TIAM1: variants seen among roughly 807,000 people sequenced by gnomAD.
TIAM1 encodes the protein TIAM Rac1 associated GEF 1, also known as rho guanine nucleotide exchange factor TIAM1.
Under a neutral mutation model 163.5 loss-of-function variants are expected in TIAM1, and 65 were observed. That is an observed-to-expected ratio of 0.40 (90% CI 0.33 to 0.49). TIAM1 has a LOEUF of 0.49. Ranked by LOEUF, TIAM1 falls within the 20% of genes least tolerant of loss-of-function variation. The pLI is 0.77. For missense variants in TIAM1, 1,789 were observed against 2,044.7 expected (o/e 0.87, Z 2.41); for synonymous variants, 833 against 810.1 (o/e 1.03, Z -0.48).
At position 31,438,434 on chromosome 21, in the gene TIAM1, C is replaced by T. The variant is rs553964751; in HGVS notation, c.-369+25549G>A. Among the ~76,000 whole-genome samples, 8 of 152,052 alleles carry T rather than the reference C, an allele frequency of 5.3e-5. No individual in the cohort carries two copies. The South Asian group carries it at 1.7e-3, about 32-fold the overall frequency. ...CTCGAACTCCTGACCTCAAGTGACC[C>T]ACCCACCTCAGTCTCCCAAAGTGAT... On this transcript the variant is annotated intron_variant, in intron 2 of 28. Coordinates refer to the TIAM1 transcript ENST00000286827.
intron 2 of TIAM1, chr21:31,453,200 C>A (rs1445184946): frequency 1.1e-5 from 3 of 261,430 alleles, no homozygotes; most frequent in African/African-American, 2.3e-5. Context: ...CTTAAAGTTG[C>A]CTAGGAAGAG....
At chr21:31,326,524 T>C (rs1165319140) in intron 2 of TIAM1, among the ~76,000 whole-genome samples, 1 of 152,006 alleles carries the variant, frequency 6.6e-6, no homozygotes, top group Non-Finnish European at 1.5e-5. Context: ...CTCCAAATAA[T>C]CCATATTAAG....
intron 23 of TIAM1, among the ~76,000 whole-genome samples, chr21:31,132,078 G>A (rs2082431636): frequency 6.6e-6 from 1 of 152,216 alleles, no homozygotes; most frequent in African/African-American, 2.4e-5. Flanking sequence ...CAGTCACACA[G>A]CGGCTGAAGG....
intron 2 of TIAM1, among the ~76,000 whole-genome samples, chr21:31,439,291 T>G (rs563926724): frequency 1.3e-5 from 2 of 152,214 alleles, no homozygotes; most frequent in Non-Finnish European, 2.9e-5. Flanking sequence ...TCTTTGTTTT[T>G]GTTCGTCTGT....
At chr21:31,217,988 G>C (rs1400794493) in intron 8 of TIAM1, among the ~76,000 whole-genome samples, 1 of 152,140 alleles carries the variant, frequency 6.6e-6, no homozygotes, top group Admixed American at 6.5e-5. Context: ...TTCCAAAAAT[G>C]ACATGTCCTT....
At chr21:31,558,820 G>A (rs1002429285) in intron 1 of TIAM1, 1 of 152,156 alleles carries the variant, frequency 6.6e-6, no homozygotes, top group African/African-American at 2.4e-5. Context: ...GGGAGACGGG[G>A]GTCAGAACGT....
At chr21:31,521,778 A>ACACAC (rs56988265) in intron 1 of TIAM1, among the ~76,000 whole-genome samples, 1 of 151,072 alleles carries the variant, frequency 6.6e-6, no homozygotes, top group Non-Finnish European at 1.5e-5. Context: ...ACACACACAC[A>ACACAC]AAGTAAAGGA....
At chr21:31,231,984 C>A (rs1474689379) in intron 6 of TIAM1, among the ~76,000 whole-genome samples, 1 of 151,732 alleles carries the variant, frequency 6.6e-6, no homozygotes, top group East Asian at 1.9e-4. Flanking sequence ...AGTACTCTAC[C>A]CTGGGCAACA....
chr21:31,451,448 G>T (rs2044835489), intron 2 of TIAM1, among the ~76,000 whole-genome samples: 2 of 152,176 alleles, frequency 1.3e-5, no homozygotes, highest in African/African-American at 4.8e-5. Flanking sequence ...GTCTACACAT[G>T]ACTGAGTAAT....
Position 31,469,483 on chromosome 21 carries a change from C to T in TIAM1, c.-421-5448G>A, listed in dbSNP as rs2045659281. 2.6e-5 allele frequency among the ~76,000 whole-genome samples: 4 copies of T among 152,076 alleles called. No homozygotes were observed. The South Asian group carries it at 6.2e-4, about 24-fold the overall frequency. On this transcript the variant is annotated intron_variant, in intron 1 of 28. Coordinates refer to the TIAM1 transcript ENST00000286827. ...TGTGAGTGTGCGATATACTTTCCTGCCAAGCCTCTGACTGACAACAGTAGA... is the reference window on the plus strand; with the variant it reads ...TGTGAGTGTGCGATATACTTTCCTGTCAAGCCTCTGACTGACAACAGTAGA...
chr21:31,285,113 T>A lies in TIAM1; in HGVS notation c.-188-8205A>T, dbSNP rs75856757. 3.5e-3 allele frequency among the ~76,000 whole-genome samples: 528 copies of A among 152,252 alleles called. 1 individual carries two copies. The highest frequency in any genetic ancestry group is 0.012 in the African/African-American group (503 of 41,552). Reference sequence around the variant, plus strand: ...TTCAGCCAAAAATACAGTCAGGATATCAAGAGGTCCCCTTCCTTCATCAGG... The same window carrying A: ...TTCAGCCAAAAATACAGTCAGGATAACAAGAGGTCCCCTTCCTTCATCAGG... On this transcript the variant is annotated intron_variant, in intron 2 of 27. Transcript: ENST00000541036.
At chr21:31,552,571 C>A (rs576636124) in intron 1 of TIAM1, among the ~76,000 whole-genome samples, 4 of 151,994 alleles carry the variant, frequency 2.6e-5, no homozygotes, top group African/African-American at 9.7e-5. Flanking sequence ...GTCAGGAGTT[C>A]GAGACCAGCC....
chr21:31,408,679 A>C (rs1435850226), intron 2 of TIAM1, among the ~76,000 whole-genome samples: 2 of 152,144 alleles, frequency 1.3e-5, no homozygotes, highest in African/African-American at 4.8e-5. Flanking sequence ...CCTATTCTTA[A>C]TATCTAATCA....
At chr21:31,362,707 T>A (rs1602097756) in intron 2 of TIAM1, among the ~76,000 whole-genome samples, 1 of 151,960 alleles carries the variant, frequency 6.6e-6, no homozygotes, top group Admixed American at 6.6e-5. Flanking sequence ...CCTCAAGTGA[T>A]CCACCTACCT....
chr21:31,378,073 T>C (rs1042249415), intron 2 of TIAM1, among the ~76,000 whole-genome samples: 2 of 147,942 alleles, frequency 1.4e-5, no homozygotes, highest in Non-Finnish European at 3.0e-5. Context: ...GAGGTGGAGG[T>C]TGCAGTGAGC....
intron 2 of TIAM1, among the ~76,000 whole-genome samples, chr21:31,394,995 T>C (rs1569293886): frequency 6.6e-6 from 1 of 152,162 alleles, no homozygotes; most frequent in Non-Finnish European, 1.5e-5. Context: ...CCCAGCACTT[T>C]GGGAGGCCAA....
chr21:31,211,465 C>T (rs2086885242), intron 10 of TIAM1, among the ~76,000 whole-genome samples: 1 of 152,166 alleles, frequency 6.6e-6, no homozygotes, highest in South Asian at 2.1e-4. Flanking sequence ...TATGTATCTA[C>T]TGATGACCAA....
intron 1 of TIAM1, among the ~76,000 whole-genome samples, chr21:31,542,163 C>T (rs1044064674): frequency 6.6e-6 from 1 of 152,088 alleles, no homozygotes; most frequent in Admixed American, 6.6e-5. Context: ...CGGTGGCTCA[C>T]GCCTGTAATC....
rs869055145 is a variant in TIAM1, at chr21:31,210,667, AAAAGAAAGAAAGAAAGAAAAAG to A, written c.2218-474_2218-453del. The stretch of plus-strand genomic sequence containing the variant: ...AAAGAAAGAAAGAAAGAAAGAAAGA[AAAAGAAAGAAAGAAAGAAAAAG>A]AAAGAAAGAAAGAAAGAGAAAGAAA... On this transcript the variant is annotated intron_variant, in intron 10 of 27. Transcript: ENST00000541036. Among the ~76,000 whole-genome samples the A allele has an allele frequency of 2.6e-3, 54 of 20,950 alleles. 2 individuals carry two copies. The highest frequency in any genetic ancestry group is 5.0e-3 in the Admixed American group (12 of 2,382). 13.7% of individuals were successfully genotyped at this position (20,950 alleles called of 152,430 possible).
Sources: gnomAD v4.1 joint callset for allele counts (sites outside exome capture counted in the v4.1 genomes callset) on GRCh38, gnomAD v4.1.1 for gene constraint, MANE v1.5 for transcripts, NCBI Gene and HGNC (gene_info 2026-07-23, HGNC 2026-07-21) for gene names.